The following GPBP1 variants were observed in gnomAD, a reference collection of about 807,000 sequenced individuals.
GPBP1 encodes vasculin.
Under a neutral mutation model 56.5 loss-of-function variants are expected in GPBP1, and 13 were observed. The observed-to-expected ratio is 0.23, with a 90% CI of 0.15 to 0.37. The LOEUF (loss-of-function observed/expected upper bound fraction) is 0.37. GPBP1 is among the 10% of genes least tolerant of loss of function. The pLI, the probability that GPBP1 is intolerant of heterozygous loss-of-function variation, is 1.00. For synonymous variants in GPBP1, 204 were observed against 188.9 expected (o/e 1.08, Z -0.66); for missense variants, 477 against 572.3 (o/e 0.83, Z 1.70).
At chr5:57,225,505 A>C (rs1387455309) in intron 3 of GPBP1, among the ~76,000 whole-genome samples, 3 of 139,706 alleles carry the variant, frequency 2.1e-5, no homozygotes, top group Admixed American at 7.9e-5. Context: ...AAAAAAAAAA[A>C]AAAAAACAAA....
intron 3 of GPBP1, among the ~76,000 whole-genome samples, chr5:57,214,582 TCAAAA>T (rs966867917): frequency 9.2e-5 from 14 of 152,120 alleles, no homozygotes; most frequent in Non-Finnish European, 1.2e-4. Context: ...CGAAACTGTC[TCAAAA>T]CAAAACAAAA....
chr5:57,255,758 A>G (rs1026544097), intron 10 of GPBP1, among the ~76,000 whole-genome samples: 2 of 152,222 alleles, frequency 1.3e-5, no homozygotes, highest in Non-Finnish European at 2.9e-5. Context: ...TATAACCCCT[A>G]ATAGACATAT....
intron 2 of GPBP1, among the ~76,000 whole-genome samples, chr5:57,186,286 C>G (rs536599466): frequency 6.6e-6 from 1 of 151,710 alleles, no homozygotes; most frequent in East Asian, 1.9e-4. Context: ...CTTGAGAGAC[C>G]AAGGTGGCAG....
chr5:57,227,814 G>T (rs1756263732), intron 3 of GPBP1, among the ~76,000 whole-genome samples: 1 of 152,140 alleles, frequency 6.6e-6, no homozygotes, highest in Non-Finnish European at 1.5e-5. Context: ...TTGTTAGCTT[G>T]CACAGATGGT....
intron 2 of GPBP1, among the ~76,000 whole-genome samples, chr5:57,206,586 C>T (rs1362524158): frequency 6.6e-6 from 1 of 151,980 alleles, no homozygotes; most frequent in African/African-American, 2.4e-5. Context: ...GTTGGCCAGG[C>T]TGGTCTCGGA....
At position 57,262,703 on chromosome 5, in the gene GPBP1, A is replaced by G; in HGVS notation, c.1373A>G (p.Asp458Gly). Residue 458 changes from aspartate to glycine, a missense_variant, in exon 12 of 12, where the codon GAT becomes GGT. By Grantham distance (94) the Asp-to-Gly change is moderately conservative. Around this residue, in one of 2 missense-constraint regions of GPBP1, gnomAD observed 63 missense variants for 114.0 expected, o/e 0.55. Coordinates refer to ENST00000506184, the MANE Select transcript of GPBP1 (RefSeq NM_022913.4). Reference sequence around the variant, plus strand: ...ACTTTCAAACCCACAACTGAGAATGATGACACAGAGACAAGTAGCAGTGAT... The same window carrying G: ...ACTTTCAAACCCACAACTGAGAATGGTGACACAGAGACAAGTAGCAGTGAT... The part of the protein sequence containing the change: ...NSTFKPTTEN[D>G]DTETSSSDTS... 1 of 1,613,904 alleles carries G rather than the reference A, an allele frequency of 6.2e-7. No homozygotes were observed. Among genetic ancestry groups the G allele is most frequent in the Non-Finnish European group, 8.5e-7 (1 of 1,179,798 alleles).
chr5:57,231,723 TATTC>T (rs748545867), intron 5 of GPBP1, among the ~76,000 whole-genome samples: 166 of 152,346 alleles, frequency 1.1e-3, no homozygotes, highest in Non-Finnish European at 1.8e-3. Context: ...TCTTTTTATA[TATTC>T]ATTGTCAATT....
At chr5:57,194,789 C>T (rs1296618960) in intron 2 of GPBP1, among the ~76,000 whole-genome samples, 1 of 152,136 alleles carries the variant, frequency 6.6e-6, no homozygotes, top group East Asian at 1.9e-4. Context: ...ATTTAACATA[C>T]TGTCCTCTGG....
chr5:57,236,891 A>G (rs1756685157), intron 6 of GPBP1: 2 of 507,964 alleles, frequency 3.9e-6, no homozygotes, highest in Non-Finnish European at 3.5e-6. Flanking sequence ...ACAGCATACT[A>G]GTCCTAACAG....
intron 2 of GPBP1, among the ~76,000 whole-genome samples, chr5:57,185,831 C>G (rs544987803): frequency 1.3e-4 from 20 of 150,546 alleles, no homozygotes; most frequent in African/African-American, 4.4e-4. Context: ...GAAAACCTGT[C>G]TTTACAAAAA....
intron 6 of GPBP1, chr5:57,237,040 A>G: frequency 1.9e-6 from 2 of 1,059,178 alleles, no homozygotes; most frequent in African/African-American, 1.6e-5. Context: ...GTGGTCAGAC[A>G]CTTTTGTTAG....
rs1756446500 is a variant in GPBP1 at position 57,231,257 on chromosome 5, C to G, written c.347C>G (p.Pro116Arg). The G allele has an allele frequency of 1.2e-6, 2 of 1,613,924 alleles. No homozygotes were observed. The highest frequency in any genetic ancestry group is 8.5e-7 in the Non-Finnish European group (1 of 1,179,976). The change falls in exon 5 of 12, where the codon CCT becomes CGT. Residue 116 changes from proline to arginine, a missense_variant. Physicochemically the swap from Pro to Arg is moderately radical, Grantham distance 103. Around this residue, in one of 2 missense-constraint regions of GPBP1, gnomAD observed 414 missense variants for 458.2 expected, o/e 0.90. Coordinates refer to ENST00000506184, the MANE Select transcript of GPBP1 (RefSeq NM_022913.4). ...KSQGLHENNI[P>R]DNETGRKEDK... ...CAAGGACTACATGAAAACAACATAC[C>G]TGACAATGAAACCGGGAGGAAAGAA... is the stretch of plus-strand genomic sequence containing the variant.
Position 57,176,214 on chromosome 5 carries a change from A to G in GPBP1, c.-244A>G, listed in dbSNP as rs76738612. On this transcript the variant is annotated 5_prime_UTR_variant, in exon 2 of 12. Transcript: ENST00000506184. ...AACTTGGCTAATTCGGGAGATAGCC[A>G]TATGAAAACTTTAAAACAGAAGTAT... The G allele has an allele frequency of 2.4e-3, 929 of 390,304 alleles. 2 individuals are homozygous for G. The highest frequency in any genetic ancestry group is 2.9e-3 in the Non-Finnish European group (644 of 221,494). 24.2% of individuals were successfully genotyped at this position (390,304 alleles called of 1,614,324 possible).
At position 57,234,336 on chromosome 5, in the gene GPBP1, A is replaced by G. The variant is rs192126831; in HGVS notation, c.412-1630A>G. 2.7e-3 allele frequency among the ~76,000 whole-genome samples: 416 copies of G among 152,320 alleles called. 1 individual carries two copies. The highest frequency in any genetic ancestry group is 4.0e-3 in the Non-Finnish European group (269 of 68,038). ...AGATTAGCTTTAGAGCACTCATTCA[A>G]TGCTCATCTCACTTTTGTTTTTAAT... is the stretch of plus-strand genomic sequence containing the variant. On this transcript the variant is annotated intron_variant, in intron 5 of 11. Coordinates refer to ENST00000506184, the MANE Select transcript of GPBP1 (RefSeq NM_022913.4).
intron 3 of GPBP1, chr5:57,221,481 CAAAAT>C: frequency 1.2e-6 from 1 of 818,140 alleles, no homozygotes; most frequent in Non-Finnish European, 2.0e-6. Context: ...GGAAGGATGA[CAAAAT>C]AATCCCTGTA....
intron 7 of GPBP1, among the ~76,000 whole-genome samples, chr5:57,246,749 G>A (rs1410253044): frequency 6.6e-6 from 1 of 151,914 alleles, no homozygotes; most frequent in Non-Finnish European, 1.5e-5. Flanking sequence ...TTTGCTTAAT[G>A]ATAATATATA....
chr5:57,222,798 A>C (rs1169226865), intron 3 of GPBP1, among the ~76,000 whole-genome samples: 2 of 152,150 alleles, frequency 1.3e-5, no homozygotes, highest in African/African-American at 4.8e-5. Context: ...TCTACTTATA[A>C]TCCCATTACA....
chr5:57,229,189 C>A (rs1756327031), intron 3 of GPBP1, among the ~76,000 whole-genome samples: 2 of 137,590 alleles, frequency 1.5e-5, no homozygotes, highest in African/African-American at 5.5e-5. Context: ...CAAGATCGTG[C>A]CACTGCACCC....
chr5:57,260,717 A>G (rs956905375), intron 10 of GPBP1, among the ~76,000 whole-genome samples: 6 of 152,186 alleles, frequency 3.9e-5, no homozygotes, highest in African/African-American at 1.4e-4. Flanking sequence ...TTTCATATCA[A>G]TACAAGATAT....
Sources: allele counts gnomAD v4.1 joint callset (sites outside exome capture counted in the v4.1 genomes callset), GRCh38; gene constraint gnomAD v4.1.1; regional missense constraint gnomAD v4.1.1; transcripts MANE v1.5; gene names NCBI Gene and HGNC (gene_info 2026-07-23, HGNC 2026-07-21).